ITGA4: variants seen among roughly 807,000 people sequenced by gnomAD.
ITGA4 encodes integrin alpha-4.
ITGA4 carries 63 observed loss-of-function variants against 133.6 expected under a neutral mutation model. The observed-to-expected ratio is 0.47, with a 90% confidence interval of 0.38 to 0.58. ITGA4 has a LOEUF of 0.58. ITGA4 is among the 20% of genes least tolerant of loss of function. ITGA4 has a pLI of 0.00. For synonymous variants in ITGA4, 483 were observed against 438.0 expected (o/e 1.10, Z -1.28); for missense variants, 1,076 against 1,252.7 (o/e 0.86, Z 2.13).
intron 10 of ITGA4, 190 bp from the exon 11 acceptor site, chr2:181,493,135 T>G: frequency 4.2e-6 from 2 of 477,088 alleles, no homozygotes; most frequent in Non-Finnish European, 7.4e-6. Context: ...TTCTTCCATG[T>G]GCAAACTATT....
chr2:181,511,607 C>G, intron 16 of ITGA4, 92 bp from the exon 17 acceptor site: 1 of 639,522 alleles, frequency 1.6e-6, no homozygotes, highest in Non-Finnish European at 2.8e-6. Flanking sequence ...TTTTATTTTT[C>G]TCATGCATCA....
At chr2:181,504,156 T>G (rs1458635428) in intron 15 of ITGA4, among the ~76,000 whole-genome samples, 1 of 152,092 alleles carries the variant, frequency 6.6e-6, no homozygotes, top group Non-Finnish European at 1.5e-5. Flanking sequence ...ACTGGCTTAG[T>G]TGCTGAACAA....
chr2:181,472,572 A>G (rs1035470889), intron 2 of ITGA4, among the ~76,000 whole-genome samples: 1 of 152,230 alleles, frequency 6.6e-6, no homozygotes, highest in African/African-American at 2.4e-5. Flanking sequence ...GTAGTAAATA[A>G]CAGGAACTTC....
At chr2:181,488,567 T>C (rs1028197403) in intron 10 of ITGA4, among the ~76,000 whole-genome samples, 1 of 147,826 alleles carries the variant, frequency 6.8e-6, no homozygotes, top group African/African-American at 2.6e-5. Flanking sequence ...TTTTATTTTA[T>C]TTTTTTTTTG....
chr2:181,518,290 A>G (rs1461596694), intron 17 of ITGA4, among the ~76,000 whole-genome samples: 4 of 152,110 alleles, frequency 2.6e-5, no homozygotes, highest in African/African-American at 9.7e-5. Context: ...TTCTTCCAGC[A>G]TATCCAACTG....
intron 2 of ITGA4, among the ~76,000 whole-genome samples, chr2:181,472,986 A>C (rs1436047330): frequency 6.6e-6 from 1 of 152,224 alleles, no homozygotes; most frequent in Admixed American, 6.5e-5. Context: ...GTCCAGACCT[A>C]GTCTTAGTCC....
chr2:181,492,835 G>A (rs753494055), intron 10 of ITGA4, among the ~76,000 whole-genome samples: 3 of 152,202 alleles, frequency 2.0e-5, no homozygotes, highest in Non-Finnish European at 4.4e-5. Flanking sequence ...GGTAAGTCTA[G>A]ACTCCCAAAA....
chr2:181,525,347 C>A, intron 21 of ITGA4, 56 bp downstream of exon 21: 1 of 904,416 alleles, frequency 1.1e-6, no homozygotes, highest in Non-Finnish European at 1.8e-6. Context: ...AGTTTCCTTG[C>A]TTCTTACATT....
At chr2:181,507,452 G>A (rs1686416757) in intron 15 of ITGA4, among the ~76,000 whole-genome samples, 1 of 152,000 alleles carries the variant, frequency 6.6e-6, no homozygotes. Flanking sequence ...AGTACCCTTT[G>A]AAAATCACAT....
At chr2:181,514,526 A>G (rs1686569502) in intron 17 of ITGA4, among the ~76,000 whole-genome samples, 1 of 150,342 alleles carries the variant, frequency 6.7e-6, no homozygotes, top group Non-Finnish European at 1.5e-5. Flanking sequence ...CCCAGCATGT[A>G]GGGCAGTGCC....
chr2:181,537,197 C>A lies in ITGA4; in HGVS notation c.*1670C>A. On this transcript the variant is annotated 3_prime_UTR_variant, in exon 28 of 28. Coordinates refer to ENST00000397033, the MANE Select transcript of ITGA4 (RefSeq NM_000885.6). ...ACATCTAGGATCATAGATGAAAAAT[C>A]AAGCCCCGATTTAGAACTGTCTTCT... 2.2e-6 allele frequency: 1 copy of A among 453,136 alleles called. No individual in the cohort carries two copies. Among genetic ancestry groups the A allele is most frequent in the Non-Finnish European group, 4.4e-6 (1 of 226,072 alleles). The allele number at this position is 453,136 out of a possible 1,614,324, so 28.1% of individuals were successfully genotyped here. A position where few individuals can be genotyped will look rare whatever the true frequency, so the allele number is the denominator to read the frequency against.
In ITGA4 at chr2:181,458,208, T is replaced by A. The variant is rs766078656; in HGVS notation, c.210T>A (p.Gly70=). ...TGTCTCGCTTTAGGCTCCTAGTGGG[T>A]GCGCCCACTGCCAACTGGCTCGCCA... The part of the protein sequence containing the change: ...SHGANRWLLV[G]APTANWLANA... Residue 70 remains glycine (G), a synonymous_variant, in exon 2 of 28, where the codon GGT becomes GGA. Coordinates refer to ENST00000397033, the MANE Select transcript of ITGA4 (RefSeq NM_000885.6). 1 of 1,613,832 alleles carries A rather than the reference T, an allele frequency of 6.2e-7. No homozygotes were observed. The highest frequency in any genetic ancestry group is 1.3e-5 in the African/African-American group (1 of 74,912).
At chr2:181,474,543 C>T (rs1057503130) in intron 2 of ITGA4, among the ~76,000 whole-genome samples, 5 of 152,216 alleles carry the variant, frequency 3.3e-5, no homozygotes, top group Admixed American at 3.3e-4. Flanking sequence ...TATAGTCTTT[C>T]TATTCTTAAT....
At chr2:181,512,863 T>A (rs1245662590) in intron 17 of ITGA4, among the ~76,000 whole-genome samples, 1 of 152,050 alleles carries the variant, frequency 6.6e-6, no homozygotes, top group Non-Finnish European at 1.5e-5. Context: ...AAGTGAGGTA[T>A]TTTTATGTAT....
intron 11 of ITGA4, 104 bp from the exon 12 acceptor site, chr2:181,494,618 G>A (rs1686122887): frequency 2.8e-6 from 2 of 712,608 alleles, no homozygotes; most frequent in East Asian, 2.5e-5. Flanking sequence ...GTTAGTAGAT[G>A]TGCCAAGGCA....
chr2:181,503,100 ATAT>A (rs1246775044), intron 15 of ITGA4, among the ~76,000 whole-genome samples: 1 of 152,082 alleles, frequency 6.6e-6, no homozygotes, highest in Non-Finnish European at 1.5e-5. Context: ...GATGGCATAG[ATAT>A]TATAAAATAC....
Position 181,537,835 on chromosome 2 carries a change from A to T in ITGA4, c.*2308A>T, listed in dbSNP as rs1288702666. On this transcript the variant is annotated 3_prime_UTR_variant, in exon 28 of 28. Coordinates refer to ENST00000397033, the MANE Select transcript of ITGA4 (RefSeq NM_000885.6). Reference sequence around the variant, plus strand: ...CTAGAGGCTAATTGTTAGTAACATCAATTTCTATTAGGATATCCGTTTGGC... The same window carrying T: ...CTAGAGGCTAATTGTTAGTAACATCTATTTCTATTAGGATATCCGTTTGGC... 5 of 487,344 alleles carry T rather than the reference A, an allele frequency of 1.0e-5. No individual in the cohort carries two copies. Among genetic ancestry groups the T allele is most frequent in the South Asian group, 7.7e-5 (5 of 64,708 alleles). 30.2% of individuals were successfully genotyped at this position (487,344 alleles called of 1,614,324 possible). A position where few individuals can be genotyped will look rare whatever the true frequency, so the allele number is the denominator to read the frequency against.
At chr2:181,515,793 T>C (rs1277547424) in intron 17 of ITGA4, among the ~76,000 whole-genome samples, 1 of 152,112 alleles carries the variant, frequency 6.6e-6, no homozygotes, top group African/African-American at 2.4e-5. Flanking sequence ...AGAGGTGTCC[T>C]CTCTCCTTTC....
intron 21 of ITGA4, 47 bp from the exon 22 acceptor site, chr2:181,527,250 C>T (rs201614415): frequency 2.8e-5 from 30 of 1,085,568 alleles, no homozygotes; most frequent in Admixed American, 1.7e-5. Context: ...CTTTATAATA[C>T]GTCATCGAAT....
Sources: allele counts gnomAD v4.1 joint callset (sites outside exome capture counted in the v4.1 genomes callset), GRCh38; gene constraint gnomAD v4.1.1; transcripts MANE v1.5; gene names NCBI Gene and HGNC (gene_info 2026-07-23, HGNC 2026-07-21).